CNTN4: variants seen among roughly 807,000 people sequenced by gnomAD.
CNTN4 encodes contactin 4.
A neutral mutation model predicts 122.5 loss-of-function variants in CNTN4; 77 were observed. The ratio of observed to expected loss-of-function variants is 0.63; its 90% CI spans 0.52 to 0.76. The LOEUF (loss-of-function observed/expected upper bound fraction) is 0.76. CNTN4 is among the 30% of genes least tolerant of loss of function. The probability of loss-of-function intolerance (pLI) is 0.00; values close to 1 mark genes in which losing one functional copy is unlikely to be tolerated. For missense variants in CNTN4, 1,256 were observed against 1,259.1 expected, an observed-to-expected ratio of 1.00 and a Z score of 0.04; for synonymous variants, 512 against 447.0, an observed-to-expected ratio of 1.15 and a Z score of -1.83.
intron 4 of CNTN4, among the ~76,000 whole-genome samples, chr3:2,588,759 T>G (rs1371747232): frequency 7.3e-6 from 1 of 137,726 alleles, no homozygotes; most frequent in Non-Finnish European, 1.5e-5. Flanking sequence ...GAAATGCTAA[T>G]GTAAAGAGGA....
chr3:2,350,577 ATAGAG>A (rs368552101), intron 3 of CNTN4, among the ~76,000 whole-genome samples: 48,704 of 134,826 alleles, frequency 0.36, 8,437 homozygotes, highest in East Asian at 0.76. Context: ...AAAGAAAAAA[ATAGAG>A]TAGAATTCTA....
chr3:2,496,765 G>T (rs1040279340), intron 3 of CNTN4, among the ~76,000 whole-genome samples: 1 of 152,158 alleles, frequency 6.6e-6, no homozygotes, highest in Non-Finnish European at 1.5e-5. Context: ...ATGTGATATG[G>T]GTAATAAGTG....
chr3:2,550,582 C>T lies in CNTN4; in HGVS notation c.-88-20834C>T, dbSNP rs924511300. 2.6e-5 allele frequency among the ~76,000 whole-genome samples: 4 copies of T among 152,266 alleles called. No individual in the cohort carries two copies. In the East Asian group the frequency reaches 7.7e-4, roughly 29 times the overall value. ...CTAGAACTAGAAATACCATTTGACC[C>T]AGCAACCCCATTACTGGGTATATAC... On this transcript the variant is annotated intron_variant, in intron 3 of 24. Coordinates refer to ENST00000418658, the MANE Select transcript of CNTN4 (RefSeq NM_175607.3).
At chr3:2,450,045 A>G (rs1337420976) in intron 3 of CNTN4, among the ~76,000 whole-genome samples, 1 of 152,140 alleles carries the variant, frequency 6.6e-6, no homozygotes, top group Admixed American at 6.6e-5. Context: ...TATAGTTAAC[A>G]GTACTGTATT....
intron 4 of CNTN4, among the ~76,000 whole-genome samples, chr3:2,677,263 G>A (rs1368379753): frequency 6.7e-6 from 1 of 149,874 alleles, no homozygotes; most frequent in Non-Finnish European, 1.5e-5. Context: ...ATACATCTAT[G>A]TATATAGATA....
rs552645876 is a variant in CNTN4 at position 2,904,855 on chromosome 3, G to A, written c.1207+1850G>A. Among the ~76,000 whole-genome samples the A allele has an allele frequency of 1.4e-3, 208 of 152,252 alleles. 3 individuals carry two copies. Among genetic ancestry groups the A allele is most frequent in the African/African-American group, 4.7e-3 (195 of 41,548 alleles). On this transcript the variant is annotated intron_variant, in intron 12 of 24. Transcript: ENST00000418658. ...GTGTCTGAAAACCCTCTATATGAGC[G>A]CTAGCCAATTTATCAGTCTAGGGAC...
chr3:2,925,413 C>A (rs972476280), intron 12 of CNTN4, among the ~76,000 whole-genome samples: 3 of 151,910 alleles, frequency 2.0e-5, no homozygotes, highest in Non-Finnish European at 2.9e-5. Context: ...ATTACCTGGG[C>A]GTGGTCATGC....
intron 4 of CNTN4, among the ~76,000 whole-genome samples, chr3:2,574,108 T>C (rs1394191611): frequency 1.3e-5 from 2 of 152,130 alleles, no homozygotes; most frequent in East Asian, 3.9e-4. Flanking sequence ...CCCAGCTACT[T>C]GGGAGGCTAA....
intron 3 of CNTN4, among the ~76,000 whole-genome samples, chr3:2,415,481 TA>T (rs2047378547): frequency 6.6e-6 from 1 of 152,192 alleles, no homozygotes; most frequent in Admixed American, 6.5e-5. Flanking sequence ...TGGGTGCCTT[TA>T]AAAAGTCATA....
At chr3:2,826,667 A>C (rs2092994911) in intron 7 of CNTN4, among the ~76,000 whole-genome samples, 1 of 152,200 alleles carries the variant, frequency 6.6e-6, no homozygotes, top group Non-Finnish European at 1.5e-5. Flanking sequence ...TTATTAAGAT[A>C]TCACCTTCAG....
intron 2 of CNTN4, among the ~76,000 whole-genome samples, chr3:2,218,437 T>A (rs2149477747): frequency 6.6e-6 from 1 of 152,280 alleles, no homozygotes; most frequent in East Asian, 1.9e-4. Context: ...AGAGGATCCC[T>A]CGAGCCTGGG....
chr3:2,644,419 G>A (rs2083027744), intron 4 of CNTN4, among the ~76,000 whole-genome samples: 1 of 151,982 alleles, frequency 6.6e-6, no homozygotes, highest in Non-Finnish European at 1.5e-5. Context: ...CTTTCACCAT[G>A]AGCTCCTTTC....
At chr3:2,866,622 TA>T in intron 7 of CNTN4, 129 bp from the exon 8 acceptor site, 1 of 1,144,778 alleles carries the variant, frequency 8.7e-7, no homozygotes. Flanking sequence ...TTCCTATCTG[TA>T]TTTAGTGGGC....
At chr3:2,652,365 A>G (rs2083401031) in intron 4 of CNTN4, among the ~76,000 whole-genome samples, 1 of 152,192 alleles carries the variant, frequency 6.6e-6, no homozygotes, top group South Asian at 2.1e-4. Flanking sequence ...GTACCAGTGG[A>G]AAGTGGTCTA....
Position 2,862,235 on chromosome 3 carries a change from G to T in CNTN4, c.455-4517G>T, listed in dbSNP as rs151233864. Among the ~76,000 whole-genome samples the T allele has an allele frequency of 3.0e-3, 450 of 152,276 alleles. 1 individual carries two copies. The highest frequency in any genetic ancestry group is 0.01 in the African/African-American group (416 of 41,570). On this transcript the variant is annotated intron_variant, in intron 7 of 24. Coordinates refer to ENST00000418658, the MANE Select transcript of CNTN4 (RefSeq NM_175607.3). ...AATATAGCTCTAGAAATAAATTGGT[G>T]TCAAGAACAATTAAAGAGCAACCAT... is the stretch of plus-strand genomic sequence containing the variant.
At chr3:2,109,114 A>G (rs1026774891) in intron 2 of CNTN4, among the ~76,000 whole-genome samples, 3 of 152,184 alleles carry the variant, frequency 2.0e-5, no homozygotes, top group Admixed American at 1.3e-4. Context: ...TCCTTTTTAG[A>G]AACAGTTTGT....
intron 3 of CNTN4, among the ~76,000 whole-genome samples, chr3:2,413,854 A>G (rs1172750666): frequency 2.0e-5 from 3 of 152,208 alleles, no homozygotes; most frequent in Admixed American, 2.0e-4. Context: ...GATTTTTAAA[A>G]TAACAAATTT....
intron 4 of CNTN4, among the ~76,000 whole-genome samples, chr3:2,625,504 G>A (rs965539043): frequency 2.3e-4 from 35 of 152,194 alleles, no homozygotes; most frequent in African/African-American, 7.7e-4. Context: ...GTGTAACCAT[G>A]ATCCTGAAAT....
Position 2,380,175 on chromosome 3 carries a change from C to T in CNTN4, c.-89+40942C>T, listed in dbSNP as rs181216301. ...AAATAAAAATGTCATTCTCTTTCCTCTATCCATTGTGTTTTCACAGAAGTT... is the reference window on the plus strand; with the variant it reads ...AAATAAAAATGTCATTCTCTTTCCTTTATCCATTGTGTTTTCACAGAAGTT... On this transcript the variant is annotated intron_variant, in intron 3 of 24. Coordinates refer to ENST00000418658, the MANE Select transcript of CNTN4 (RefSeq NM_175607.3). Among the ~76,000 whole-genome samples the T allele has an allele frequency of 4.3e-3, 647 of 152,200 alleles. 4 individuals carry two copies. Among genetic ancestry groups the T allele is most frequent in the African/African-American group, 0.014 (591 of 41,530 alleles).
Sources: gnomAD v4.1 joint callset for allele counts (sites outside exome capture counted in the v4.1 genomes callset) on GRCh38, gnomAD v4.1.1 for gene constraint, MANE v1.5 for transcripts, NCBI Gene and HGNC (gene_info 2026-07-23, HGNC 2026-07-21) for gene names.